The following DENND6A variants were observed in gnomAD, a reference collection of about 807,000 sequenced individuals.
The protein encoded by DENND6A is DENN domain containing 6A.
Under a neutral mutation model 95.5 loss-of-function variants are expected in DENND6A, and 43 were observed. The ratio of observed to expected loss-of-function variants is 0.45; its 90% confidence interval spans 0.35 to 0.58. The LOEUF is 0.58. Ranked by LOEUF, DENND6A falls within the 20% of genes least tolerant of loss-of-function variation. The probability of loss-of-function intolerance (pLI) is 0.00; values close to 1 mark genes in which losing one functional copy is unlikely to be tolerated. For missense variants in DENND6A, 574 were observed against 736.0 expected, an observed-to-expected ratio of 0.78 and a Z score of 2.55; for synonymous variants, 257 against 260.4, an observed-to-expected ratio of 0.99 and a Z score of 0.13.
intron 1 of DENND6A, among the ~76,000 whole-genome samples, chr3:57,673,549 T>C (rs2071657070): frequency 6.6e-6 from 1 of 152,166 alleles, no homozygotes; most frequent in South Asian, 2.1e-4. Context: ...AATAATTTAT[T>C]GTGTATTTCA....
intron 11 of DENND6A, 59 bp downstream of exon 11, chr3:57,645,602 T>A: frequency 7.9e-7 from 1 of 1,273,270 alleles, no homozygotes; most frequent in Non-Finnish European, 1.1e-6. Flanking sequence ...CCAAAAATAA[T>A]TCTACACAAT....
Position 57,633,283 on chromosome 3 carries a change from T to C in DENND6A, c.1335A>G (p.Gln445=), listed in dbSNP as rs878982117. ...AACTTACTAATGGAATGATGAAACT[T>C]TGTGTCAGTTCCAAAAAATAGCGTC... ...ILRRYFLELT[Q]SFIIPLERYV... is the part of the protein sequence containing the mutation. Residue 445 remains glutamine, a synonymous_variant, in exon 15 of 20, where the codon CAA becomes CAG. Transcript: ENST00000311128. 1 of 1,613,418 alleles carries C rather than the reference T, an allele frequency of 6.2e-7. No individual in the cohort carries two copies.
chr3:57,646,590 G>T, intron 9 of DENND6A, 152 bp from the exon 10 acceptor site: 1 of 1,132,874 alleles, frequency 8.8e-7, no homozygotes, highest in Non-Finnish European at 1.2e-6. Flanking sequence ...AGAATATGGT[G>T]ATGTATAGAG....
chr3:57,659,635 G>A (rs2071387612), intron 7 of DENND6A, among the ~76,000 whole-genome samples: 1 of 152,136 alleles, frequency 6.6e-6, no homozygotes. Flanking sequence ...TACAAAAATG[G>A]CCAAATGCAG....
intron 9 of DENND6A, chr3:57,655,036 AT>A (rs374656731): frequency 3.4e-3 from 504 of 149,602 alleles, no homozygotes; most frequent in Middle Eastern, 6.8e-3. Context: ...GAAAACAAGA[AT>A]TTTTTTTTTT....
At chr3:57,636,273 T>A (rs959332683) in intron 12 of DENND6A, among the ~76,000 whole-genome samples, 1 of 151,918 alleles carries the variant, frequency 6.6e-6, no homozygotes, top group East Asian at 1.9e-4. Context: ...AAGGAAAGAG[T>A]GAAAGAGATT....
At chr3:57,663,933 G>C (rs1407095720) in intron 4 of DENND6A, among the ~76,000 whole-genome samples, 1 of 152,024 alleles carries the variant, frequency 6.6e-6, no homozygotes, top group African/African-American at 2.4e-5. Flanking sequence ...TCTTGACATG[G>C]TCCATATGAT....
chr3:57,680,410 G>C (rs2077153710), intron 1 of DENND6A, among the ~76,000 whole-genome samples: 1 of 152,230 alleles, frequency 6.6e-6, no homozygotes, highest in Non-Finnish European at 1.5e-5. Flanking sequence ...GAGCCCTCAT[G>C]ATTGAGATTA....
chr3:57,679,969 A>G (rs914325098), intron 1 of DENND6A, among the ~76,000 whole-genome samples: 2 of 152,234 alleles, frequency 1.3e-5, no homozygotes, highest in African/African-American at 4.8e-5. Context: ...GAAATTTGTG[A>G]GAAACTAGAA....
At chr3:57,678,485 A>C (rs772709528) in intron 1 of DENND6A, among the ~76,000 whole-genome samples, 19 of 152,252 alleles carry the variant, frequency 1.2e-4, no homozygotes, top group Non-Finnish European at 2.1e-4. Flanking sequence ...TGGGGCTCAA[A>C]TCCAGAGATA....
At chr3:57,666,353 TTG>T in intron 3 of DENND6A, 118 bp from the exon 4 acceptor site, 1 of 846,108 alleles carries the variant, frequency 1.2e-6, no homozygotes, top group South Asian at 2.1e-5. Flanking sequence ...CTGTCATGTT[TTG>T]GAGGAAAAAA....
At chr3:57,646,609 C>T (rs933270111) in intron 9 of DENND6A, among the ~76,000 whole-genome samples, 171 bp from the exon 10 acceptor site, 12 of 152,252 alleles carry the variant, frequency 7.9e-5, no homozygotes, top group Admixed American at 5.9e-4. Context: ...AGACATAAGT[C>T]CCTTTTATCC....
intron 14 of DENND6A, 92 bp from the exon 15 acceptor site, chr3:57,633,446 T>C (rs1287138829): frequency 9.8e-7 from 1 of 1,021,904 alleles, no homozygotes; most frequent in Non-Finnish European, 1.5e-6. Context: ...TAAATATACA[T>C]TTATACTTGA....
intron 9 of DENND6A, among the ~76,000 whole-genome samples, chr3:57,650,107 G>A (rs2071171702): frequency 6.6e-6 from 1 of 152,028 alleles, no homozygotes; most frequent in South Asian, 2.1e-4. Context: ...AAAGACATAA[G>A]AATGATACTA....
intron 18 of DENND6A, 123 bp from the exon 19 acceptor site, chr3:57,629,008 C>T: frequency 1.4e-6 from 1 of 726,972 alleles, no homozygotes; most frequent in Non-Finnish European, 2.2e-6. Flanking sequence ...GTATTTAACC[C>T]AGATATAGCA....
intron 12 of DENND6A, among the ~76,000 whole-genome samples, chr3:57,635,636 A>G (rs2070775968): frequency 1.3e-5 from 2 of 152,320 alleles, no homozygotes; most frequent in Non-Finnish European, 1.5e-5. Flanking sequence ...AGTTACATAG[A>G]TCAAACTGCT....
intron 1 of DENND6A, among the ~76,000 whole-genome samples, chr3:57,679,152 T>C (rs1366545038): frequency 6.6e-6 from 1 of 152,226 alleles, no homozygotes; most frequent in Non-Finnish European, 1.5e-5. Flanking sequence ...TTTGGTATTT[T>C]GTTATAGTAG....
chr3:57,690,435 C>T (rs942463885), intron 1 of DENND6A, among the ~76,000 whole-genome samples: 11 of 151,708 alleles, frequency 7.3e-5, no homozygotes, highest in African/African-American at 2.2e-4. Flanking sequence ...ACCTGGGAGG[C>T]GGAGCTTGCA....
chr3:57,632,878 C>T (rs2070716994), intron 15 of DENND6A, among the ~76,000 whole-genome samples: 1 of 152,148 alleles, frequency 6.6e-6, no homozygotes, highest in Non-Finnish European at 1.5e-5. Context: ...GACATTATAT[C>T]AAATTGTATT....
Sources: gnomAD v4.1 joint callset for allele counts (sites outside exome capture counted in the v4.1 genomes callset) on GRCh38, gnomAD v4.1.1 for gene constraint, MANE v1.5 for transcripts, NCBI Gene and HGNC (gene_info 2026-07-23, HGNC 2026-07-21) for gene names.